Variants in ACY1 observed in about 807,000 individuals in gnomAD.
The protein encoded by ACY1 is aminoacylase 1, also known as aminoacylase-1.
ACY1 carries 38 observed loss-of-function variants against 53.3 expected under a neutral mutation model. The ratio of observed to expected loss-of-function variants is 0.71; its 90% CI spans 0.55 to 0.93. ACY1 has a LOEUF of 0.93. Among genes scored for constraint, ACY1 ranks in the 40% least tolerant of loss-of-function variants. The pLI, the probability that ACY1 is intolerant of heterozygous loss-of-function variation, is 0.00. For synonymous variants in ACY1, 177 were observed against 202.1 expected (o/e 0.88, Z 1.05); for missense variants, 484 against 540.9 (o/e 0.89, Z 1.04).
Position 51,988,563 on chromosome 3 carries a change from A to C in ACY1, c.961A>C (p.Asn321His), listed in dbSNP as rs1033344901. The change falls in exon 13 of 15, where the codon AAC becomes CAC. Residue 321 changes from asparagine to histidine, a missense_variant. By Grantham distance (68) the Asn-to-His change is moderately conservative (BLOSUM62 1). Transcript: ENST00000636358. ...CCAAGTGACACCTACTGATGACTCAAACCCTTGGTGGGCAGCTTTTAGCCG... is the reference window on the plus strand; with the variant it reads ...CCAAGTGACACCTACTGATGACTCACACCCTTGGTGGGCAGCTTTTAGCCG... ...HPQVTPTDDSNPWWAAFSRVC... is the reference protein window; with the variant it reads ...HPQVTPTDDSHPWWAAFSRVC... 1.2e-6 allele frequency: 2 copies of C among 1,614,134 alleles called. No homozygotes were observed. Among genetic ancestry groups the C allele is most frequent in the Non-Finnish European group, 1.7e-6 (2 of 1,180,002 alleles).
chr3:51,984,659 A>T (rs1700994659), intron 2 of ACY1: 1 of 262,148 alleles, frequency 3.8e-6, no homozygotes, highest in Non-Finnish European at 7.5e-6. Flanking sequence ...TACAGAAAAA[A>T]TACAAAAATT....
intron 8 of ACY1, 72 bp from the exon 9 acceptor site, chr3:51,986,916 G>A (rs767119395): frequency 3.1e-5 from 47 of 1,525,480 alleles, no homozygotes; most frequent in Non-Finnish European, 4.2e-5. Context: ...GGGAGACCTG[G>A]GCCCACCCCA....
At chr3:51,986,167 G>T in intron 5 of ACY1, 88 bp from the exon 6 acceptor site, 1 of 1,389,272 alleles carries the variant, frequency 7.2e-7, no homozygotes, top group South Asian at 1.2e-5. Context: ...TAAAGTCCAG[G>T]ACACAGGACT....
intron 1 of ACY1, 145 bp downstream of exon 1, chr3:51,983,734 C>T: frequency 7.5e-6 from 3 of 401,430 alleles, no homozygotes; most frequent in Non-Finnish European, 9.2e-6. Context: ...GAGTACAAGT[C>T]TGGGTTCAAA....
intron 2 of ACY1, 92 bp from the exon 3 acceptor site, chr3:51,985,115 C>T (rs1222747419): frequency 1.9e-5 from 24 of 1,290,168 alleles, no homozygotes; most frequent in Non-Finnish European, 2.6e-5. Flanking sequence ...GGCAGCAGCC[C>T]ATTTCTGGGT....
intron 12 of ACY1, chr3:51,987,877 A>C (rs1044536499): frequency 2.0e-6 from 1 of 491,700 alleles, no homozygotes; most frequent in Non-Finnish European, 3.7e-6. Context: ...CATTTATGTG[A>C]TATTACTTTT....
intron 12 of ACY1, chr3:51,988,135 G>C (rs571131960): frequency 1.6e-4 from 55 of 350,412 alleles, no homozygotes; most frequent in African/African-American, 1.1e-3. Flanking sequence ...CAAAATGCTG[G>C]GATTACAGGC....
At chr3:51,987,963 T>C (rs955960684) in intron 12 of ACY1, 30 of 328,070 alleles carry the variant, frequency 9.1e-5, no homozygotes, top group Non-Finnish European at 1.4e-4. Context: ...CCTCCCGGGT[T>C]CAAGCAATTC....
At position 51,986,290 on chromosome 3, in the gene ACY1, G is replaced by A; in HGVS notation, c.395G>A (p.Gly132Asp). Residue 132 changes from glycine to aspartate, a missense_variant, in exon 6 of 15, where the codon GGC becomes GAC. Transcript: ENST00000636358. ...LEAVRRLKVEGHRFPRTIHMT... is the reference protein window; with the variant it reads ...LEAVRRLKVEDHRFPRTIHMT... ...GCTGTGAGGAGGCTGAAGGTGGAGG[G>A]CCACCGGTTCCCCAGAACCATCCAC... 6.8e-7 allele frequency: 1 copy of A among 1,475,210 alleles called. No homozygotes were observed. The highest frequency in any genetic ancestry group is 9.1e-7 in the Non-Finnish European group (1 of 1,094,258). 91.4% of individuals were successfully genotyped at this position (1,475,210 alleles called of 1,614,324 possible). A position where few individuals can be genotyped will look rare whatever the true frequency, so the allele number is the denominator to read the frequency against.
Position 51,984,044 on chromosome 3 carries a change from C to A in ACY1, c.-18-3C>A. ...GGTAGTTAGCCATTCACTTTGCCCC[C>A]AGCTCACCACGCGCAGCGCCATGAC... On this transcript the variant is annotated splice_polypyrimidine_tract_variant and splice_region_variant and intron_variant, in intron 1 of 14. Coordinates refer to ENST00000636358, the MANE Select transcript of ACY1 (RefSeq NM_000666.3). The A allele has an allele frequency of 6.2e-7, 1 of 1,610,558 alleles. No homozygotes were observed. The highest frequency in any genetic ancestry group is 8.5e-7 in the Non-Finnish European group (1 of 1,178,016).
rs770312240 is a variant in ACY1 at position 51,989,038 on chromosome 3, C to A, written c.1190C>A (p.Ala397Asp). ...GVDIYTRLLPALASVPALPSD... is the reference protein window; with the variant it reads ...GVDIYTRLLPDLASVPALPSD... ...GACATATATACACGCCTGCTGCCTG[C>A]CCTTGCCAGTGTGCCTGCCCTGCCC... is the stretch of plus-strand genomic sequence containing the variant. Residue 397 changes from alanine to aspartate, a missense_variant, in exon 15 of 15, where the codon GCC (alanine) becomes GAC (aspartate). Ala to Asp is a moderately radical substitution (Grantham distance 126). Transcript: ENST00000636358. The A allele has an allele frequency of 6.2e-7, 1 of 1,614,042 alleles. No homozygotes were observed. Among genetic ancestry groups the A allele is most frequent in the South Asian group, 1.1e-5 (1 of 91,088 alleles).
At chr3:51,986,388 C>CA in intron 6 of ACY1, 27 bp from the exon 7 acceptor site, 1 of 1,608,698 alleles carries the variant, frequency 6.2e-7, no homozygotes, top group Non-Finnish European at 8.5e-7. Flanking sequence ...GCAGCCTCCT[C>CA]ATCTCACGTC....
At chr3:51,984,484 T>C in intron 2 of ACY1, 1 of 443,876 alleles carries the variant, frequency 2.3e-6, no homozygotes, top group Non-Finnish European at 4.2e-6. Context: ...AGAAGCCCAC[T>C]GGGGCTGGAC....
chr3:51,986,233 C>T, intron 5 of ACY1, 22 bp from the exon 6 acceptor site: 5 of 1,612,926 alleles, frequency 3.1e-6, no homozygotes, highest in Non-Finnish European at 4.2e-6. Context: ...GCTCCCCCAG[C>T]ACCTGGCTTA....
chr3:51,986,928 GC>G, intron 8 of ACY1, 59 bp from the exon 9 acceptor site: 1 of 1,575,052 alleles, frequency 6.3e-7, no homozygotes, highest in East Asian at 2.3e-5. Context: ...CCCACCCCAG[GC>G]TGATTGTGTC....
At position 51,987,611 on chromosome 3, in the gene ACY1, T is replaced by G; in HGVS notation, c.908T>G (p.Leu303Arg). 6.2e-7 allele frequency: 1 copy of G among 1,613,930 alleles called. No individual in the cohort carries two copies. The change falls in exon 12 of 15, where the codon CTA becomes CGA. Residue 303 changes from leucine (L) to arginine (R), a missense_variant. Coordinates refer to ENST00000636358, the MANE Select transcript of ACY1 (RefSeq NM_000666.3). ...CAGGCAGCTGGCGAGGGGGTCACCC[T>G]AGAGTTTGCTCAGGTATGGACTTGG... ...WCQAAGEGVT[L>R]EFAQKWMHPQ... is the part of the protein sequence containing the mutation.
At chr3:51,983,671 T>C in intron 1 of ACY1, 82 bp downstream of exon 1, 1 of 280,580 alleles carries the variant, frequency 3.6e-6, no homozygotes, top group Non-Finnish European at 6.9e-6. Flanking sequence ...GGGTTTTTCT[T>C]GTTTGTTTTT....
chr3:51,985,223 C>G lies in ACY1; in HGVS notation c.111C>G (p.Phe37Leu). 6.2e-7 allele frequency: 1 copy of G among 1,605,238 alleles called. No individual in the cohort carries two copies. Among genetic ancestry groups the G allele is most frequent in the Non-Finnish European group, 8.5e-7 (1 of 1,176,248 alleles). Residue 37 changes from phenylalanine (F) to leucine (L), a missense_variant, in exon 3 of 15, where the codon TTC becomes TTG. By Grantham distance (22) the Phe-to-Leu change is conservative. Coordinates refer to ENST00000636358, the MANE Select transcript of ACY1 (RefSeq NM_000666.3). ...PKPDYGAAVA[F>L]FEETARQLGL... Reference sequence around the variant, plus strand: ...TGCCTCCAGGAGCTGCTGTGGCTTTCTTTGAGGAGACAGCCCGCCAGCTGG... The same window carrying G: ...TGCCTCCAGGAGCTGCTGTGGCTTTGTTTGAGGAGACAGCCCGCCAGCTGG...
intron 12 of ACY1, 37 bp from the exon 13 acceptor site, chr3:51,988,487 C>T (rs1220962691): frequency 1.9e-6 from 3 of 1,585,632 alleles, no homozygotes; most frequent in East Asian, 2.2e-5. Context: ...GATGCCCAGG[C>T]CCATGTCCTG....
Sources: allele counts gnomAD v4.1 joint callset, GRCh38; gene constraint gnomAD v4.1.1; transcripts MANE v1.5; gene names NCBI Gene and HGNC (gene_info 2026-07-23, HGNC 2026-07-21).